Variants in PARD3 observed in about 807,000 individuals in gnomAD.
The protein encoded by PARD3 is partitioning defective 3 homolog.
Under a neutral mutation model 155.4 loss-of-function variants are expected in PARD3, and 75 were observed. The observed-to-expected ratio is 0.48, with a 90% confidence interval of 0.40 to 0.58. The LOEUF is 0.58. PARD3 is among the 20% of genes least tolerant of loss of function. The pLI, the probability that PARD3 is intolerant of heterozygous loss-of-function variation, is 0.00. For synonymous variants in PARD3, 576 were observed against 610.5 expected (o/e 0.94, Z 0.83); for missense variants, 1,642 against 1,721.7 (o/e 0.95, Z 0.82).
chr10:34,226,885 A>C (rs1952626455), intron 22 of PARD3, among the ~76,000 whole-genome samples: 1 of 152,196 alleles, frequency 6.6e-6, no homozygotes, highest in Non-Finnish European at 1.5e-5. Context: ...AAAGGAAGGA[A>C]CTATTGATAT....
chr10:34,288,328 G>T (rs1956501607), intron 20 of PARD3, among the ~76,000 whole-genome samples: 8 of 152,124 alleles, frequency 5.3e-5, no homozygotes. Flanking sequence ...TAAATTATGT[G>T]ATTTCTTTAA....
At chr10:34,531,757 C>A (rs1295276211) in intron 2 of PARD3, among the ~76,000 whole-genome samples, 1 of 152,162 alleles carries the variant, frequency 6.6e-6, no homozygotes, top group African/African-American at 2.4e-5. Context: ...ACTTTTCTCT[C>A]CTTTTTTGGG....
chr10:34,726,587 C>A (rs189110176), intron 1 of PARD3, among the ~76,000 whole-genome samples: 1 of 151,894 alleles, frequency 6.6e-6, no homozygotes, highest in African/African-American at 2.4e-5. Context: ...TGTCTCAAAA[C>A]ACACACACAC....
intron 2 of PARD3, among the ~76,000 whole-genome samples, chr10:34,658,770 C>T (rs967288341): frequency 6.6e-6 from 1 of 152,146 alleles, no homozygotes; most frequent in Non-Finnish European, 1.5e-5. Flanking sequence ...GCAAAGGAGA[C>T]GTCTCCTCGA....
chr10:34,562,212 G>A (rs1264576288), intron 2 of PARD3, among the ~76,000 whole-genome samples: 4 of 149,986 alleles, frequency 2.7e-5, no homozygotes, highest in South Asian at 2.1e-4. Context: ...TGAGGCGGGC[G>A]GATTACCTGA....
At chr10:34,593,656 T>G (rs1464245528) in intron 2 of PARD3, among the ~76,000 whole-genome samples, 11 of 152,190 alleles carry the variant, frequency 7.2e-5, no homozygotes, top group Non-Finnish European at 1.5e-4. Context: ...TGGACTTGAA[T>G]AGAACCTTGA....
intron 22 of PARD3, among the ~76,000 whole-genome samples, chr10:34,215,669 C>T (rs1454883831): frequency 2.6e-5 from 4 of 152,198 alleles, no homozygotes; most frequent in Non-Finnish European, 1.5e-5. Flanking sequence ...ATAGGCTTAA[C>T]TTCTATCCTT....
intron 1 of PARD3, among the ~76,000 whole-genome samples, chr10:34,716,012 T>A (rs889886859): frequency 6.6e-6 from 1 of 152,242 alleles, no homozygotes; most frequent in African/African-American, 2.4e-5. Flanking sequence ...ATCTAGGCCA[T>A]CTGGTCAGTT....
chr10:34,255,860 T>C (rs2133771881), intron 22 of PARD3, among the ~76,000 whole-genome samples: 1 of 152,348 alleles, frequency 6.6e-6, no homozygotes, highest in East Asian at 1.9e-4. Flanking sequence ...AAACGTACTT[T>C]TCCACTATTA....
At chr10:34,465,589 A>T (rs1339942636) in intron 4 of PARD3, among the ~76,000 whole-genome samples, 1 of 152,202 alleles carries the variant, frequency 6.6e-6, no homozygotes, top group East Asian at 1.9e-4. Flanking sequence ...TCAAAAGAAA[A>T]GGAAGCTAAT....
Position 34,758,439 on chromosome 10 carries a change from A to T in PARD3, c.120+56437T>A, listed in dbSNP as rs143472170. Among the ~76,000 whole-genome samples the T allele has an allele frequency of 9.2e-4, 140 of 152,306 alleles. 1 individual carries two copies. Among genetic ancestry groups the T allele is most frequent in the African/African-American group, 3.2e-3 (134 of 41,562 alleles). On this transcript the variant is annotated intron_variant, in intron 1 of 24. Coordinates refer to ENST00000374788, the MANE Select transcript of PARD3 (RefSeq NM_001184785.2). ...TATTCCAAAGTCTTTCCACTCCACCACACTATGCCTCATAACCATCTGCAG... is the reference window on the plus strand; with the variant it reads ...TATTCCAAAGTCTTTCCACTCCACCTCACTATGCCTCATAACCATCTGCAG...
chr10:34,368,839 T>TAAAAAAAAAA (rs71033310), intron 12 of PARD3, among the ~76,000 whole-genome samples: 4 of 108,610 alleles, frequency 3.7e-5, no homozygotes, highest in Middle Eastern at 5.3e-3. Flanking sequence ...ATGAGCAATG[T>TAAAAAAAAAA]AAAAAAAAAA....
At chr10:34,234,231 G>A (rs1040733512) in intron 22 of PARD3, among the ~76,000 whole-genome samples, 2 of 151,898 alleles carry the variant, frequency 1.3e-5, no homozygotes, top group African/African-American at 4.8e-5. Context: ...TATAACTACT[G>A]ATATAACTAC....
At chr10:34,165,998 G>A (rs940077054) in intron 22 of PARD3, among the ~76,000 whole-genome samples, 12 of 152,152 alleles carry the variant, frequency 7.9e-5, no homozygotes, top group Admixed American at 7.2e-4. Context: ...TCCCTTTATC[G>A]GTTAATGCTA....
intron 1 of PARD3, among the ~76,000 whole-genome samples, chr10:34,796,244 G>C (rs1042181141): frequency 6.6e-6 from 1 of 152,070 alleles, no homozygotes; most frequent in Non-Finnish European, 1.5e-5. Flanking sequence ...CCAGATATAT[G>C]AATGGAGCCA....
chr10:34,120,183 A>ATTT (rs57670906), intron 23 of PARD3, among the ~76,000 whole-genome samples: 149 of 113,662 alleles, frequency 1.3e-3, no homozygotes, highest in African/African-American at 4.4e-3. Context: ...TGCCTGGCTA[A>ATTT]TTTTTTTTTT....
chr10:34,782,129 A>T (rs1200014926), intron 1 of PARD3, among the ~76,000 whole-genome samples: 1 of 152,160 alleles, frequency 6.6e-6, no homozygotes, highest in Non-Finnish European at 1.5e-5. Context: ...CAATCATCCT[A>T]ACTGGCTTCT....
intron 19 of PARD3, among the ~76,000 whole-genome samples, chr10:34,327,915 A>G (rs965229148): frequency 1.3e-5 from 2 of 152,160 alleles, no homozygotes; most frequent in East Asian, 1.9e-4. Context: ...GGGGACACAT[A>G]GCTAAGGGAC....
chr10:34,542,221 GTGTGTGTGTGTGT>G (rs1273533506), intron 2 of PARD3, among the ~76,000 whole-genome samples: 292 of 4,732 alleles, frequency 0.062, 1 homozygote, highest in Admixed American at 0.071. Flanking sequence ...GTGTGTGTGT[GTGTGTGTGTGTGT>G]GTGTGCACAC....
Sources: allele counts gnomAD v4.1 joint callset (sites outside exome capture counted in the v4.1 genomes callset), GRCh38; gene constraint gnomAD v4.1.1; transcripts MANE v1.5; gene names NCBI Gene and HGNC (gene_info 2026-07-23, HGNC 2026-07-21).